Variants in MAGI2 observed in about 807,000 individuals in gnomAD.
MAGI2 encodes membrane-associated guanylate kinase, WW and PDZ domain-containing protein 2.
MAGI2 carries 35 observed loss-of-function variants against 133.3 expected under a neutral mutation model. The ratio of observed to expected loss-of-function variants is 0.26; its 90% CI spans 0.20 to 0.35. The LOEUF is 0.35. Among genes scored for constraint, MAGI2 ranks in the 10% least tolerant of loss-of-function variants. MAGI2 has a pLI of 1.00. For synonymous variants in MAGI2, 729 were observed against 710.6 expected (o/e 1.03, Z -0.41); for missense variants, 1,636 against 1,863.4 (o/e 0.88, Z 2.25).
intron 10 of MAGI2, among the ~76,000 whole-genome samples, chr7:78,240,865 G>T (rs980182554): frequency 6.6e-6 from 1 of 151,516 alleles, no homozygotes; most frequent in Non-Finnish European, 1.5e-5. Context: ...TATTAGCTAG[G>T]TATTCAAAAC....
At position 79,403,114 on chromosome 7, in the gene MAGI2, T is replaced by A. The variant is rs17152439; in HGVS notation, c.301+49906A>T. 5.9e-3 allele frequency among the ~76,000 whole-genome samples: 906 copies of A among 152,292 alleles called. 11 individuals carry two copies. Among genetic ancestry groups the A allele is most frequent in the African/African-American group, 0.021 (862 of 41,562 alleles). On this transcript the variant is annotated intron_variant, in intron 1 of 21. Transcript: ENST00000354212. ...GTACATATTATGCACCTGAAAATATTGTCATTGTTCATGTTGCTAGTTCTA... is the reference window on the plus strand; with the variant it reads ...GTACATATTATGCACCTGAAAATATAGTCATTGTTCATGTTGCTAGTTCTA...
chr7:79,407,926 T>G (rs1302385293), intron 1 of MAGI2, among the ~76,000 whole-genome samples: 2 of 152,140 alleles, frequency 1.3e-5, no homozygotes, highest in African/African-American at 2.4e-5. Context: ...TTTAAATTCA[T>G]ATGTGCCACC....
intron 2 of MAGI2, among the ~76,000 whole-genome samples, chr7:78,679,631 C>A (rs528514316): frequency 8.5e-5 from 13 of 152,128 alleles, no homozygotes; most frequent in South Asian, 2.1e-4. Context: ...GTCATTCTGA[C>A]GAAGTGACAG....
At chr7:78,623,376 A>C (rs765135389) in intron 3 of MAGI2, among the ~76,000 whole-genome samples, 9 of 152,092 alleles carry the variant, frequency 5.9e-5, no homozygotes. Context: ...AAAGTCACAA[A>C]GCCCATGGGA....
intron 2 of MAGI2, among the ~76,000 whole-genome samples, chr7:78,832,573 A>C (rs537657279): frequency 1.3e-5 from 2 of 152,288 alleles, no homozygotes; most frequent in Middle Eastern, 3.4e-3. Flanking sequence ...GGCCCATATG[A>C]ATGCCAGTTA....
chr7:79,255,390 G>T (rs1833611337), intron 1 of MAGI2, among the ~76,000 whole-genome samples: 1 of 152,170 alleles, frequency 6.6e-6, no homozygotes, highest in South Asian at 2.1e-4. Context: ...GGTTTCGCAT[G>T]AAGTGTAAGG....
At chr7:78,460,982 C>T (rs1563031897) in intron 6 of MAGI2, among the ~76,000 whole-genome samples, 1 of 151,624 alleles carries the variant, frequency 6.6e-6, no homozygotes, top group Non-Finnish European at 1.5e-5. Flanking sequence ...ACACACCCTT[C>T]TTTTTAAAAA....
intron 3 of MAGI2, among the ~76,000 whole-genome samples, chr7:78,536,427 T>TG (rs1797936610): frequency 6.6e-6 from 1 of 152,290 alleles, no homozygotes; most frequent in South Asian, 2.1e-4. Context: ...AAACTCTTTA[T>TG]GGTGATTCCC....
At chr7:78,843,194 A>G (rs1792294409) in intron 2 of MAGI2, among the ~76,000 whole-genome samples, 1 of 151,888 alleles carries the variant, frequency 6.6e-6, no homozygotes, top group Admixed American at 6.6e-5. Flanking sequence ...AAGTTGTGAC[A>G]ACCAAATGTC....
At chr7:78,591,570 C>G (rs1563213503) in intron 3 of MAGI2, among the ~76,000 whole-genome samples, 1 of 152,136 alleles carries the variant, frequency 6.6e-6, no homozygotes, top group African/African-American at 2.4e-5. Context: ...TAGCCTCTAG[C>G]TAAGGAAACA....
intron 2 of MAGI2, among the ~76,000 whole-genome samples, chr7:78,922,461 C>T (rs952258191): frequency 1.1e-4 from 16 of 150,960 alleles, no homozygotes; most frequent in Non-Finnish European, 1.6e-4. Flanking sequence ...TTTGTCCTTG[C>T]GATAGTTTAC....
chr7:78,582,905 A>T (rs894492699), intron 3 of MAGI2, among the ~76,000 whole-genome samples: 1 of 152,204 alleles, frequency 6.6e-6, no homozygotes, highest in Non-Finnish European at 1.5e-5. Context: ...GAGCTTTGGG[A>T]AGCCACTTAA....
intron 1 of MAGI2, among the ~76,000 whole-genome samples, chr7:79,014,311 T>G (rs911552770): frequency 4.6e-5 from 7 of 152,158 alleles, no homozygotes; most frequent in Non-Finnish European, 1.0e-4. Flanking sequence ...GTTATGATAT[T>G]TCCTTCCATT....
At chr7:79,355,268 A>G (rs1841946726) in intron 1 of MAGI2, among the ~76,000 whole-genome samples, 1 of 152,212 alleles carries the variant, frequency 6.6e-6, no homozygotes, top group Non-Finnish European at 1.5e-5. Context: ...CAAGGCTATG[A>G]TGGGAGAGAG....
chr7:78,691,842 C>T (rs766897376), intron 2 of MAGI2, among the ~76,000 whole-genome samples: 14 of 152,138 alleles, frequency 9.2e-5, no homozygotes, highest in Non-Finnish European at 1.8e-4. Flanking sequence ...TGTCATTATA[C>T]ATTTGTCCAA....
intron 1 of MAGI2, among the ~76,000 whole-genome samples, chr7:79,216,625 TA>T (rs762788904): frequency 2.0e-5 from 3 of 151,980 alleles, no homozygotes; most frequent in Non-Finnish European, 2.9e-5. Flanking sequence ...CCCCCTCCCA[TA>T]AAGGGTTTGA....
At position 79,070,797 on chromosome 7, in the gene MAGI2, G is replaced by T. The variant is rs1814889459; in HGVS notation, c.302-63591C>A. Among the ~76,000 whole-genome samples the T allele has an allele frequency of 2.0e-5, 3 of 152,094 alleles. No individual in the cohort carries two copies. In the South Asian group the frequency reaches 6.2e-4, roughly 32 times the overall value. On this transcript the variant is annotated intron_variant, in intron 1 of 21. Transcript: ENST00000354212. ...TGAGCCACCGCGCCCAGCCCATCAG[G>T]TCATTTATGCTCTTCTCTATACTGG... is the stretch of plus-strand genomic sequence containing the variant.
chr7:79,230,012 A>G (rs1390919722), intron 1 of MAGI2, among the ~76,000 whole-genome samples: 3 of 137,318 alleles, frequency 2.2e-5, no homozygotes, highest in East Asian at 4.5e-4. Context: ...CTCATTGTTC[A>G]ATTCCCACCT....
chr7:78,150,075 T>C (rs1823721186), intron 16 of MAGI2, among the ~76,000 whole-genome samples: 1 of 152,158 alleles, frequency 6.6e-6, no homozygotes, highest in Admixed American at 6.5e-5. Context: ...CCAGCTTCAA[T>C]TGCAAAATTA....
Sources: gnomAD v4.1 joint callset for allele counts (sites outside exome capture counted in the v4.1 genomes callset) on GRCh38, gnomAD v4.1.1 for gene constraint, MANE v1.5 for transcripts, NCBI Gene and HGNC (gene_info 2026-07-23, HGNC 2026-07-21) for gene names.